The following ANO3 variants were observed in gnomAD, a reference collection of about 807,000 sequenced individuals.
ANO3 encodes the protein anoctamin-3.
In ANO3, 99 loss-of-function variants were observed where a neutral mutation model predicts 144.8. The observed-to-expected ratio is 0.68, with a 90% CI of 0.58 to 0.81. ANO3 has a LOEUF of 0.81. Among genes scored for constraint, ANO3 ranks in the 30% least tolerant of loss-of-function variants. ANO3 has a pLI of 0.00. For missense variants in ANO3, 905 were observed against 1,202.2 expected (o/e 0.75, Z 3.66); for synonymous variants, 414 against 392.6 (o/e 1.05, Z -0.64).
At chr11:26,521,771 A>T (rs1862086627) in intron 6 of ANO3, among the ~76,000 whole-genome samples, 1 of 152,144 alleles carries the variant, frequency 6.6e-6, no homozygotes. Flanking sequence ...TTTTAAGACA[A>T]TTCAGTCATC....
Position 26,635,052 on chromosome 11 carries a change from C to G in ANO3, c.2025C>G (p.Asp675Glu). The G allele has an allele frequency of 3.1e-6, 5 of 1,613,314 alleles. No homozygotes were observed. The highest frequency in any genetic ancestry group is 3.4e-6 in the Non-Finnish European group (4 of 1,179,470). Reference protein sequence around the residue: ...GHPGKYNKLFDRWRLEECHPS... With the variant: ...GHPGKYNKLFERWRLEECHPS... ...CAGGAAAATACAATAAACTTTTTGA[C>G]CGGTGGAGACTGGAGGAAGTAAGTA... The change falls in exon 20 of 27, where the codon GAC becomes GAG. Residue 675 changes from aspartate (D) to glutamate (E), a missense_variant. By Grantham distance (45) the Asp-to-Glu change is conservative. Coordinates refer to ENST00000256737, the MANE Select transcript of ANO3 (RefSeq NM_031418.4).
chr11:26,268,441 C>T (rs1040920601), intron 1 of ANO3, among the ~76,000 whole-genome samples: 5 of 152,034 alleles, frequency 3.3e-5, no homozygotes, highest in African/African-American at 1.2e-4. Flanking sequence ...GGGGTTTGAT[C>T]CCTCCAGCAC....
chr11:26,257,380 G>A (rs11029440), intron 1 of ANO3, among the ~76,000 whole-genome samples: 3,939 of 152,082 alleles, frequency 0.026, 170 homozygotes, highest in African/African-American at 0.09. Flanking sequence ...AAATTCAGGT[G>A]TTTTGACTCC....
intron 1 of ANO3, among the ~76,000 whole-genome samples, chr11:26,429,769 T>C (rs1171396774): frequency 2.6e-5 from 4 of 152,156 alleles, no homozygotes; most frequent in African/African-American, 2.4e-5. Flanking sequence ...TTCTTAAAGA[T>C]GACAATGCTT....
intron 18 of ANO3, among the ~76,000 whole-genome samples, 180 bp from the exon 19 acceptor site, chr11:26,634,024 G>A (rs960430093): frequency 2.0e-4 from 29 of 146,608 alleles, no homozygotes; most frequent in African/African-American, 7.1e-4. Flanking sequence ...GTTGCAGTGA[G>A]CCAAGATTGT....
intron 4 of ANO3, among the ~76,000 whole-genome samples, chr11:26,480,433 AAAC>A (rs1565050656): frequency 6.6e-6 from 1 of 152,166 alleles, no homozygotes; most frequent in Non-Finnish European, 1.5e-5. Flanking sequence ...TTTGTTTATG[AAAC>A]AACATGTTCG....
chr11:26,391,530 T>G (rs1330996435), intron 1 of ANO3, among the ~76,000 whole-genome samples: 1 of 152,140 alleles, frequency 6.6e-6, no homozygotes, highest in Non-Finnish European at 1.5e-5. Flanking sequence ...AGGGCATATT[T>G]TACTTCACTA....
At chr11:26,289,798 A>ATG (rs1285627884) in intron 1 of ANO3, among the ~76,000 whole-genome samples, 14 of 148,064 alleles carry the variant, frequency 9.5e-5, no homozygotes, top group Non-Finnish European at 6.0e-5. Context: ...GTATATATAT[A>ATG]TGTGTGTGTA....
At chr11:26,387,125 G>A (rs1856754824) in intron 1 of ANO3, among the ~76,000 whole-genome samples, 1 of 131,748 alleles carries the variant, frequency 7.6e-6, no homozygotes, top group African/African-American at 3.0e-5. Context: ...TGATGCAAAT[G>A]TAGTATTTTT....
intron 18 of ANO3, among the ~76,000 whole-genome samples, chr11:26,628,349 A>G (rs1430748951): frequency 6.6e-6 from 1 of 152,194 alleles, no homozygotes; most frequent in Non-Finnish European, 1.5e-5. Flanking sequence ...AATTAACAGT[A>G]AAAAGCAAGG....
chr11:26,379,135 C>T (rs552109902), intron 1 of ANO3, among the ~76,000 whole-genome samples: 1 of 152,184 alleles, frequency 6.6e-6, no homozygotes, highest in African/African-American at 2.4e-5. Context: ...CCTGGAAAGA[C>T]ATGGGGAAAG....
chr11:26,602,999 G>A (rs1851842488), intron 17 of ANO3, among the ~76,000 whole-genome samples: 1 of 152,078 alleles, frequency 6.6e-6, no homozygotes, highest in South Asian at 2.1e-4. Flanking sequence ...GAAAGAAATT[G>A]AAAGAAAGAT....
In ANO3 at chr11:26,660,519, T is replaced by C; in HGVS notation, c.*75T>C. The C allele has an allele frequency of 7.1e-7, 1 of 1,415,798 alleles. No homozygotes were observed. The highest frequency in any genetic ancestry group is 9.5e-7 in the Non-Finnish European group (1 of 1,049,234). 87.7% of individuals were successfully genotyped at this position (1,415,798 alleles called of 1,614,324 possible). On this transcript the variant is annotated 3_prime_UTR_variant, in exon 27 of 27. Coordinates refer to ENST00000256737, the MANE Select transcript of ANO3 (RefSeq NM_031418.4). ...TGGCAACTTTGAATGCTAGGTGAAA[T>C]CTAGGAGGAAGGCATACTTGGCAAA...
chr11:26,448,503 G>T lies in ANO3; in HGVS notation c.313+4667G>T, dbSNP rs896940737. Reference sequence around the variant, plus strand: ...TCTACAAACATAATAGTTTAGCTCAGTGGAATACTCATTGGTCTATTTCTT... The same window carrying T: ...TCTACAAACATAATAGTTTAGCTCATTGGAATACTCATTGGTCTATTTCTT... On this transcript the variant is annotated intron_variant, in intron 3 of 26. Coordinates refer to ENST00000256737, the MANE Select transcript of ANO3 (RefSeq NM_031418.4). Among the ~76,000 whole-genome samples the T allele has an allele frequency of 1.2e-4, 18 of 152,246 alleles. No homozygotes were observed. The East Asian group carries it at 3.5e-3, about 29-fold the overall frequency.
At chr11:26,354,252 G>A (rs7929229) in intron 1 of ANO3, among the ~76,000 whole-genome samples, 323 of 152,242 alleles carry the variant, frequency 2.1e-3, no homozygotes, top group African/African-American at 7.2e-3. Flanking sequence ...GACATATAGA[G>A]CCTAAGATTA....
At chr11:26,285,154 TTAA>T (rs1481991699) in intron 1 of ANO3, among the ~76,000 whole-genome samples, 2 of 152,204 alleles carry the variant, frequency 1.3e-5, no homozygotes, top group Non-Finnish European at 2.9e-5. Context: ...AAACTTAATC[TTAA>T]TAAAGTTCAC....
chr11:26,453,671 C>T (rs1431312214), intron 3 of ANO3, among the ~76,000 whole-genome samples: 8 of 152,122 alleles, frequency 5.3e-5, no homozygotes, highest in African/African-American at 1.7e-4. Context: ...GACAGATCAA[C>T]GAGAAAGAAA....
rs1197763593 is a variant in ANO3, at chr11:26,293,512, G to C, written c.155-16133G>C. On this transcript the variant is annotated intron_variant, in intron 1 of 27. Transcript: ENST00000672621. ...GCTCAAAAGAATCAATTTCAGTCTA[G>C]AGTGGGTCTATAAATTCCATGTATA... is the stretch of plus-strand genomic sequence containing the variant. Among the ~76,000 whole-genome samples the C allele has an allele frequency of 7.0e-5, 9 of 127,866 alleles. No individual in the cohort carries two copies. The East Asian group carries it at 1.6e-3, about 23-fold the overall frequency. 83.9% of individuals were successfully genotyped at this position (127,866 alleles called of 152,430 possible).
At chr11:26,251,792 G>A (rs1227666399) in intron 1 of ANO3, among the ~76,000 whole-genome samples, 1 of 152,148 alleles carries the variant, frequency 6.6e-6, no homozygotes, top group Non-Finnish European at 1.5e-5. Flanking sequence ...GAAAGAGCGA[G>A]GAAGTGCCAC....
Sources: gnomAD v4.1 joint callset for allele counts (sites outside exome capture counted in the v4.1 genomes callset) on GRCh38, gnomAD v4.1.1 for gene constraint, MANE v1.5 for transcripts, NCBI Gene and HGNC (gene_info 2026-07-23, HGNC 2026-07-21) for gene names.